Variants in GABBR2 observed in about 807,000 individuals in gnomAD.
GABBR2 encodes the protein G-protein coupled receptor 51.
Under a neutral mutation model 105.6 loss-of-function variants are expected in GABBR2, and 23 were observed. That is an observed-to-expected ratio of 0.22 (90% CI 0.16 to 0.31). The LOEUF (loss-of-function observed/expected upper bound fraction) is 0.31, where lower values mean the gene tolerates loss of function less well. Ranked by LOEUF, GABBR2 falls within the 10% of genes least tolerant of loss-of-function variation. GABBR2 has a pLI of 1.00. For synonymous variants in GABBR2, 478 were observed against 499.7 expected (o/e 0.96, Z 0.58); for missense variants, 734 against 1,245.5 (o/e 0.59, Z 6.18).
chr9:98,571,394 T>G (rs1227561104), intron 2 of GABBR2, among the ~76,000 whole-genome samples: 7 of 151,688 alleles, frequency 4.6e-5, no homozygotes, highest in South Asian at 2.1e-4. Context: ...TCAGTTGGAG[T>G]TTTTTGGACC....
intron 13 of GABBR2, among the ~76,000 whole-genome samples, chr9:98,355,576 G>T (rs996541048): frequency 2.6e-5 from 4 of 152,100 alleles, no homozygotes; most frequent in Admixed American, 6.6e-5. Context: ...AATAAAAAAA[G>T]ATCTAAATAA....
chr9:98,302,986 G>A, intron 16 of GABBR2: 1 of 463,180 alleles, frequency 2.2e-6, no homozygotes, highest in Non-Finnish European at 3.8e-6. Context: ...GTTCCTTTCT[G>A]TCTGGGGATG....
intron 3 of GABBR2, among the ~76,000 whole-genome samples, chr9:98,499,068 T>G (rs758298704): frequency 6.6e-5 from 10 of 152,214 alleles, no homozygotes; most frequent in Non-Finnish European, 1.0e-4. Context: ...AAGTAGCTCA[T>G]GGGGTTGACT....
chr9:98,461,949 G>T (rs985284805), intron 6 of GABBR2, among the ~76,000 whole-genome samples: 6 of 152,164 alleles, frequency 3.9e-5, no homozygotes, highest in African/African-American at 1.4e-4. Flanking sequence ...CCAAAGGGAT[G>T]GTGCTAAACC....
intron 17 of GABBR2, among the ~76,000 whole-genome samples, chr9:98,296,008 G>A (rs906626536): frequency 5.3e-5 from 8 of 152,166 alleles, no homozygotes; most frequent in Non-Finnish European, 2.9e-5. Flanking sequence ...CATAACTACC[G>A]CTACGGTGAA....
intron 4 of GABBR2, among the ~76,000 whole-genome samples, chr9:98,487,326 T>C (rs1444563854): frequency 1.3e-5 from 2 of 151,914 alleles, no homozygotes; most frequent in Non-Finnish European, 2.9e-5. Context: ...CTCTCCTATC[T>C]GGTTGGGAAA....
intron 16 of GABBR2, among the ~76,000 whole-genome samples, chr9:98,301,618 G>A (rs1489436438): frequency 6.6e-6 from 1 of 152,198 alleles, no homozygotes; most frequent in African/African-American, 2.4e-5. Flanking sequence ...ATCAAAGGGT[G>A]GGGACAACAG....
intron 2 of GABBR2, among the ~76,000 whole-genome samples, chr9:98,576,907 GA>G (rs1828916726): frequency 2.0e-5 from 2 of 99,838 alleles, no homozygotes; most frequent in African/African-American, 1.5e-4. Context: ...ATATTTGTTG[GA>G]TGGATGGATG....
chr9:98,333,446 CAAGAG>C (rs1831061973), intron 13 of GABBR2, among the ~76,000 whole-genome samples: 2 of 152,146 alleles, frequency 1.3e-5, no homozygotes, highest in African/African-American at 4.8e-5. Context: ...TCTGAAGGCT[CAAGAG>C]AAGAATCCTG....
intron 1 of GABBR2, among the ~76,000 whole-genome samples, chr9:98,609,826 C>T (rs1340862614): frequency 1.3e-5 from 2 of 152,208 alleles, no homozygotes; most frequent in African/African-American, 4.8e-5. Flanking sequence ...TGTGTGGACG[C>T]TGAGAGCTCC....
At chr9:98,364,053 T>C (rs924294213) in intron 12 of GABBR2, among the ~76,000 whole-genome samples, 1 of 152,190 alleles carries the variant, frequency 6.6e-6, no homozygotes, top group African/African-American at 2.4e-5. Flanking sequence ...GGGGCCTTTA[T>C]GTTACCGAAT....
At chr9:98,299,858 G>A (rs1431285899) in intron 16 of GABBR2, among the ~76,000 whole-genome samples, 1 of 152,100 alleles carries the variant, frequency 6.6e-6, no homozygotes, top group Non-Finnish European at 1.5e-5. Context: ...AGGGCAACTT[G>A]CTACTATAAT....
In GABBR2 at chr9:98,313,526, T is replaced by G. The variant is rs111998329; in HGVS notation, c.1894-2321A>C. ...AACATCAAAATATTTACTGATTTGT[T>G]CAGTCCTACATTAGACACTAAATAG... On this transcript the variant is annotated intron_variant, in intron 13 of 18. Coordinates refer to ENST00000259455, the MANE Select transcript of GABBR2 (RefSeq NM_005458.8). Among the ~76,000 whole-genome samples the G allele has an allele frequency of 1.2e-3, 189 of 152,352 alleles. 1 individual carries two copies. The highest frequency in any genetic ancestry group is 2.1e-3 in the Non-Finnish European group (141 of 68,034).
chr9:98,379,172 C>T (rs964158056), intron 11 of GABBR2, among the ~76,000 whole-genome samples: 2 of 152,238 alleles, frequency 1.3e-5, no homozygotes, highest in Non-Finnish European at 2.9e-5. Context: ...AAGTCTGTTC[C>T]CGCCCCAGTT....
At chr9:98,575,068 A>T (rs1260876102) in intron 2 of GABBR2, among the ~76,000 whole-genome samples, 1 of 122,906 alleles carries the variant, frequency 8.1e-6, no homozygotes, top group East Asian at 2.1e-4. Flanking sequence ...TGGAGAGACA[A>T]ACATTTATAA....
At chr9:98,439,123 G>T (rs932347097) in intron 7 of GABBR2, among the ~76,000 whole-genome samples, 1 of 152,068 alleles carries the variant, frequency 6.6e-6, no homozygotes, top group African/African-American at 2.4e-5. Context: ...AAAAAAGAGT[G>T]CTTATCTCGC....
chr9:98,416,015 T>C (rs1434742469), intron 7 of GABBR2, among the ~76,000 whole-genome samples: 1 of 152,056 alleles, frequency 6.6e-6, no homozygotes, highest in Non-Finnish European at 1.5e-5. Context: ...TAGTCAGGGA[T>C]GTGTTGGTTA....
intron 11 of GABBR2, among the ~76,000 whole-genome samples, chr9:98,374,097 G>C (rs1831832223): frequency 6.6e-6 from 1 of 152,038 alleles, no homozygotes; most frequent in African/African-American, 2.4e-5. Context: ...GAACTCAAGT[G>C]ATCCTCCTGC....
chr9:98,442,635 C>G (rs1826052585), intron 7 of GABBR2, among the ~76,000 whole-genome samples: 1 of 152,172 alleles, frequency 6.6e-6, no homozygotes, highest in African/African-American at 2.4e-5. Flanking sequence ...TTTGCTTGGG[C>G]CATCATCACA....
Sources: gnomAD v4.1 joint callset for allele counts (sites outside exome capture counted in the v4.1 genomes callset) on GRCh38, gnomAD v4.1.1 for gene constraint, MANE v1.5 for transcripts, NCBI Gene and HGNC (gene_info 2026-07-23, HGNC 2026-07-21) for gene names.